The following CCSER1 variants were observed in gnomAD, a reference collection of about 807,000 sequenced individuals.
CCSER1 encodes coiled-coil serine rich protein 1.
A neutral mutation model predicts 82.0 loss-of-function variants in CCSER1; 41 were observed. That is an observed-to-expected ratio of 0.50 (90% CI 0.39 to 0.65). The LOEUF is 0.65. Among genes scored for constraint, CCSER1 ranks in the 30% least tolerant of loss-of-function variants. The probability of loss-of-function intolerance (pLI) is 0.00; values close to 1 mark genes in which losing one functional copy is unlikely to be tolerated. For missense variants in CCSER1, 1,119 were observed against 1,064.2 expected (o/e 1.05, Z -0.72); for synonymous variants, 414 against 383.9 (o/e 1.08, Z -0.92).
At position 90,968,865 on chromosome 4, in the gene CCSER1, A is replaced by G. The variant is rs922882732; in HGVS notation, c.2172+45418A>G. ...AGATCTATGAAATATCTAAAAAAAA[A>G]TCAAAATAATTGTTTTAAGGAAGCT... On this transcript the variant is annotated intron_variant, in intron 9 of 10. Coordinates refer to ENST00000509176, the MANE Select transcript of CCSER1 (RefSeq NM_001145065.2). Among the ~76,000 whole-genome samples the G allele has an allele frequency of 3.3e-5, 5 of 151,600 alleles. 1 individual carries two copies. The highest frequency in any genetic ancestry group is 1.2e-4 in the African/African-American group (5 of 41,302).
At chr4:90,762,105 T>C (rs1006355757) in intron 7 of CCSER1, among the ~76,000 whole-genome samples, 14 of 152,152 alleles carry the variant, frequency 9.2e-5, no homozygotes, top group African/African-American at 3.4e-4. Flanking sequence ...TTGTCTTGAA[T>C]TGTAGTTCCC....
intron 8 of CCSER1, among the ~76,000 whole-genome samples, chr4:90,898,403 G>A (rs1724078699): frequency 6.8e-6 from 1 of 147,038 alleles, no homozygotes; most frequent in Admixed American, 6.9e-5. Flanking sequence ...TCAGCCTCCT[G>A]AGTAGCTGGG....
Position 91,434,244 on chromosome 4 carries a change from G to C in CCSER1, c.2218-164328G>C, listed in dbSNP as rs1021181424. ...GAATCGCTGGTATTTTTGGTAGTAGGGGAATGTTAAAATAGGGGTACTTAA... is the reference window on the plus strand; with the variant it reads ...GAATCGCTGGTATTTTTGGTAGTAGCGGAATGTTAAAATAGGGGTACTTAA... On this transcript the variant is annotated intron_variant, in intron 10 of 10. Transcript: ENST00000509176. 3.3e-5 allele frequency among the ~76,000 whole-genome samples: 5 copies of C among 151,966 alleles called. No homozygotes were observed. In the South Asian group the frequency reaches 1.0e-3, roughly 32 times the overall value.
intron 10 of CCSER1, among the ~76,000 whole-genome samples, chr4:91,387,651 G>T (rs925379030): frequency 9.2e-5 from 14 of 151,990 alleles, no homozygotes; most frequent in Non-Finnish European, 1.9e-4. Context: ...TAGGGCCTCT[G>T]TACCTTTCTG....
At chr4:90,913,308 C>A (rs945385147) in intron 8 of CCSER1, among the ~76,000 whole-genome samples, 1 of 152,174 alleles carries the variant, frequency 6.6e-6, no homozygotes, top group Non-Finnish European at 1.5e-5. Flanking sequence ...AGACACTCTG[C>A]AAGCCAGAAG....
chr4:91,230,575 G>A (rs1252212660), intron 10 of CCSER1, among the ~76,000 whole-genome samples: 1 of 151,856 alleles, frequency 6.6e-6, no homozygotes. Flanking sequence ...AGAAATAGAA[G>A]TCATAATATA....
At chr4:90,291,914 T>G (rs1348136368) in intron 1 of CCSER1, among the ~76,000 whole-genome samples, 2 of 151,970 alleles carry the variant, frequency 1.3e-5, no homozygotes, top group Non-Finnish European at 2.9e-5. Context: ...TGTTATATTA[T>G]GTAAATATGT....
intron 1 of CCSER1, among the ~76,000 whole-genome samples, chr4:90,165,371 A>T (rs1296411435): frequency 1.3e-5 from 2 of 152,048 alleles, no homozygotes; most frequent in Non-Finnish European, 2.9e-5. Context: ...CATACCCAAA[A>T]TGTTTAGTTT....
At chr4:90,881,916 C>T (rs918807404) in intron 8 of CCSER1, among the ~76,000 whole-genome samples, 1 of 150,736 alleles carries the variant, frequency 6.6e-6, no homozygotes, top group African/African-American at 2.4e-5. Context: ...AGCAGCAATG[C>T]GAATATGTTT....
At chr4:90,828,954 T>TAATAATGTGA (rs1760808930) in intron 8 of CCSER1, among the ~76,000 whole-genome samples, 1 of 152,102 alleles carries the variant, frequency 6.6e-6, no homozygotes, top group Non-Finnish European at 1.5e-5. Context: ...GTATATAATT[T>TAATAATGTGA]CCTGGAGGAA....
At chr4:90,880,191 CCTGGG>C (rs1721085947) in intron 8 of CCSER1, among the ~76,000 whole-genome samples, 2 of 152,254 alleles carry the variant, frequency 1.3e-5, no homozygotes, top group Admixed American at 6.5e-5. Flanking sequence ...GCTTGGCACT[CCTGGG>C]CTGCCCACTG....
intron 10 of CCSER1, among the ~76,000 whole-genome samples, chr4:91,393,598 T>G (rs1234396969): frequency 6.6e-6 from 1 of 152,122 alleles, no homozygotes; most frequent in Non-Finnish European, 1.5e-5. Flanking sequence ...AAAGTTAATT[T>G]GTGTTGGTAA....
chr4:90,368,554 G>A (rs978350651), intron 3 of CCSER1, among the ~76,000 whole-genome samples: 1 of 151,776 alleles, frequency 6.6e-6, no homozygotes, highest in African/African-American at 2.4e-5. Context: ...GATCACTTGA[G>A]CCAGGAGTTT....
At chr4:91,538,442 A>G (rs1761408679) in intron 10 of CCSER1, among the ~76,000 whole-genome samples, 2 of 151,608 alleles carry the variant, frequency 1.3e-5, no homozygotes, top group African/African-American at 4.8e-5. Flanking sequence ...GACCAAAAAA[A>G]TAAAAAACAG....
intron 10 of CCSER1, among the ~76,000 whole-genome samples, chr4:91,513,550 T>C (rs1294404504): frequency 6.6e-6 from 1 of 152,152 alleles, no homozygotes; most frequent in African/African-American, 2.4e-5. Context: ...ACAGCTCTTA[T>C]TTGGACTTCT....
intron 6 of CCSER1, among the ~76,000 whole-genome samples, chr4:90,629,498 A>T (rs769884622): frequency 5.9e-5 from 9 of 152,148 alleles, no homozygotes; most frequent in African/African-American, 1.7e-4. Flanking sequence ...ATCTCATGAG[A>T]CTTATTCACT....
chr4:90,873,953 G>A (rs1449510338), intron 8 of CCSER1, among the ~76,000 whole-genome samples: 1 of 151,906 alleles, frequency 6.6e-6, no homozygotes, highest in Non-Finnish European at 1.5e-5. Context: ...TCAAAATATA[G>A]GCAAACAGTT....
At chr4:90,531,508 C>T (rs975783703) in intron 5 of CCSER1, among the ~76,000 whole-genome samples, 1 of 151,536 alleles carries the variant, frequency 6.6e-6, no homozygotes, top group Non-Finnish European at 1.5e-5. Flanking sequence ...TTTACAAGTC[C>T]ATTTAGCAAA....
rs1008204190 is a variant in CCSER1, at chr4:91,255,715, C to T, written c.2217+169721C>T. On this transcript the variant is annotated intron_variant, in intron 10 of 10. Transcript: ENST00000509176. ...TTAATACTTTTATAATTTCTTATGC[C>T]TGTCTTTACTGCAATCTCTGAACAT... 4.6e-5 allele frequency among the ~76,000 whole-genome samples: 7 copies of T among 152,306 alleles called. 1 individual carries two copies. Among genetic ancestry groups the T allele is most frequent in the Admixed American group, 4.6e-4 (7 of 15,304 alleles).
Sources: gnomAD v4.1 joint callset for allele counts (sites outside exome capture counted in the v4.1 genomes callset) on GRCh38, gnomAD v4.1.1 for gene constraint, MANE v1.5 for transcripts, NCBI Gene and HGNC (gene_info 2026-07-23, HGNC 2026-07-21) for gene names.